TANK: variants seen among roughly 807,000 people sequenced by gnomAD.
TANK encodes TRAF family member associated NFKB activator, also known as TRAF family member-associated NF-kappa-B activator.
TANK carries 15 observed loss-of-function variants against 43.6 expected under a neutral mutation model. That is an observed-to-expected ratio of 0.34 (90% CI 0.23 to 0.53). The LOEUF is 0.53. Among genes scored for constraint, TANK ranks in the 20% least tolerant of loss-of-function variants. TANK has a pLI of 0.94. For synonymous variants in TANK, 162 were observed against 178.2 expected (o/e 0.91, Z 0.73); for missense variants, 417 against 498.6 (o/e 0.84, Z 1.56).
chr2:161,144,851 T>C (rs1202917431), intron 1 of TANK, among the ~76,000 whole-genome samples: 1 of 152,172 alleles, frequency 6.6e-6, no homozygotes, highest in African/African-American at 2.4e-5. Context: ...CTGAATATCC[T>C]TGTTAATTTT....
In TANK at chr2:161,217,585, T is replaced by TTGTGAG. The variant is rs759936834; in HGVS notation, c.328-6326_328-6325insAGTGTG. The stretch of plus-strand genomic sequence containing the variant: ...TCTTCAGTGTTTTCAGGTAGTTGGT[T>TTGTGAG]TGTGTGTGTGTGTGTGTGTGTGTGT... On this transcript the variant is annotated intron_variant, in intron 4 of 7. Transcript: ENST00000392749. Among the ~76,000 whole-genome samples, 419 of 136,642 alleles carry TTGTGAG rather than the reference T, an allele frequency of 3.1e-3. 2 individuals are homozygous for TTGTGAG. Among genetic ancestry groups the TTGTGAG allele is most frequent in the African/African-American group, 0.011 (400 of 36,176 alleles). 89.6% of individuals were successfully genotyped at this position (136,642 alleles called of 152,430 possible).
At chr2:161,219,544 G>GT (rs1465715401) in intron 4 of TANK, among the ~76,000 whole-genome samples, 6 of 152,030 alleles carry the variant, frequency 3.9e-5, no homozygotes, top group Non-Finnish European at 7.4e-5. Flanking sequence ...TTATATGGCC[G>GT]TAAGTTCTTT....
chr2:161,210,696 TAAAAAAA>T (rs779556160), intron 4 of TANK, among the ~76,000 whole-genome samples: 6 of 91,042 alleles, frequency 6.6e-5, no homozygotes, highest in African/African-American at 1.3e-4. Flanking sequence ...AAACTCCGTC[TAAAAAAA>T]AAAAAAAAAA....
chr2:161,161,385 G>A (rs1418746222), intron 1 of TANK: 2 of 1,550,790 alleles, frequency 1.3e-6, no homozygotes, highest in South Asian at 1.2e-5. Context: ...CCTTCTTACC[G>A]CGGTTGGAAT....
intron 4 of TANK, among the ~76,000 whole-genome samples, chr2:161,220,411 T>C (rs1687289657): frequency 6.6e-6 from 1 of 152,202 alleles, no homozygotes; most frequent in Non-Finnish European, 1.5e-5. Flanking sequence ...GAAACCAGCC[T>C]GACCAACATG....
chr2:161,180,454 A>T (rs565848741), intron 2 of TANK, among the ~76,000 whole-genome samples: 1 of 152,304 alleles, frequency 6.6e-6, no homozygotes, highest in East Asian at 1.9e-4. Flanking sequence ...AATGAGAAAA[A>T]TAAGGCTAAT....
chr2:161,224,128 C>T (rs1218991440), intron 5 of TANK, 137 bp downstream of exon 5: 1 of 558,530 alleles, frequency 1.8e-6, no homozygotes. Context: ...ACCCCAGAAT[C>T]CTACATGTTA....
intron 2 of TANK, among the ~76,000 whole-genome samples, chr2:161,196,096 A>G (rs1483285318): frequency 6.6e-6 from 1 of 152,182 alleles, no homozygotes; most frequent in Non-Finnish European, 1.5e-5. Context: ...ACTCCATCTC[A>G]AAAAGATAAA....
At chr2:161,191,922 G>A (rs9287809) in intron 2 of TANK, among the ~76,000 whole-genome samples, 8,709 of 151,844 alleles carry the variant, frequency 0.057, 789 homozygotes, top group African/African-American at 0.19. Context: ...TGAGTAGCTG[G>A]GATTACAGGC....
chr2:161,208,427 A>T (rs1480249155), intron 4 of TANK, among the ~76,000 whole-genome samples: 5 of 152,300 alleles, frequency 3.3e-5, no homozygotes, highest in African/African-American at 1.2e-4. Context: ...GTAGGGAAGG[A>T]AATACTCAGT....
chr2:161,219,063 C>G (rs1226455054), intron 4 of TANK, among the ~76,000 whole-genome samples: 1 of 152,118 alleles, frequency 6.6e-6, no homozygotes, highest in Non-Finnish European at 1.5e-5. Context: ...TATTTCTTCC[C>G]TTTAAAGAAA....
intron 2 of TANK, among the ~76,000 whole-genome samples, chr2:161,191,867 C>T (rs1288407149): frequency 6.6e-6 from 1 of 152,020 alleles, no homozygotes; most frequent in African/African-American, 2.4e-5. Context: ...TCACTTGGCT[C>T]ACCTCTGCCT....
At chr2:161,175,894 A>G (rs1351953763) in intron 1 of TANK, among the ~76,000 whole-genome samples, 1 of 152,162 alleles carries the variant, frequency 6.6e-6, no homozygotes, top group African/African-American at 2.4e-5. Flanking sequence ...TGCAGGGGAC[A>G]AGATTGGGTT....
Position 161,231,243 on chromosome 2 carries a change from T to C in TANK, c.793T>C (p.Cys265Arg), listed in dbSNP as rs1687895835. The change falls in exon 7 of 8, where the codon TGC (cysteine) becomes CGC (arginine). Residue 265 changes from cysteine to arginine, a missense_variant. Cys to Arg is a radical substitution (Grantham distance 180, BLOSUM62 -3). Transcript: ENST00000392749. ...ILSPATSEAV[C>R]QEKFNMEFRD... Reference sequence around the variant, plus strand: ...TAGTCCTGCCACGTCTGAGGCAGTGTGCCAAGAGAAATTTAATATGGAGTT... The same window carrying C: ...TAGTCCTGCCACGTCTGAGGCAGTGCGCCAAGAGAAATTTAATATGGAGTT... The C allele has an allele frequency of 1.2e-6, 2 of 1,613,996 alleles. No individual in the cohort carries two copies. Among genetic ancestry groups the C allele is most frequent in the East Asian group, 4.5e-5 (2 of 44,886 alleles).
chr2:161,207,825 A>G (rs1324473140), intron 4 of TANK: 18 of 985,268 alleles, frequency 1.8e-5, no homozygotes, highest in Non-Finnish European at 2.2e-5. Context: ...TTTTAAAAGT[A>G]TGCACCCACA....
intron 1 of TANK, among the ~76,000 whole-genome samples, chr2:161,178,701 G>A (rs926659155): frequency 1.3e-5 from 2 of 152,108 alleles, no homozygotes; most frequent in Admixed American, 6.6e-5. Flanking sequence ...TTTAAAAAGT[G>A]TGCCTGAAGA....
In TANK at chr2:161,220,011, A is replaced by G. The variant is rs551797443; in HGVS notation, c.328-3904A>G. On this transcript the variant is annotated intron_variant, in intron 4 of 7. Coordinates refer to ENST00000392749, the MANE Select transcript of TANK (RefSeq NM_001199135.3). ...TTCTTGGTTTACATTGATCCAAGTA[A>G]GGATTCTCGTTTCTGTTTTAAAAGC... 6.6e-5 allele frequency among the ~76,000 whole-genome samples: 10 copies of G among 152,350 alleles called. No homozygotes were observed. In the East Asian group the frequency reaches 1.9e-3, roughly 29 times the overall value.
chr2:161,224,378 A>G (rs1185916568), intron 5 of TANK, among the ~76,000 whole-genome samples: 1 of 152,098 alleles, frequency 6.6e-6, no homozygotes, highest in Non-Finnish European at 1.5e-5. Context: ...ACATTAGTGT[A>G]TATATGAATA....
At chr2:161,174,011 C>G (rs1685070081) in intron 1 of TANK, among the ~76,000 whole-genome samples, 1 of 151,968 alleles carries the variant, frequency 6.6e-6, no homozygotes, top group African/African-American at 2.4e-5. Context: ...CATGACCACA[C>G]CAGCTAAAAA....
Sources: allele counts gnomAD v4.1 joint callset (sites outside exome capture counted in the v4.1 genomes callset), GRCh38; gene constraint gnomAD v4.1.1; transcripts MANE v1.5; gene names NCBI Gene and HGNC (gene_info 2026-07-23, HGNC 2026-07-21).